The following RBFOX1 variants were observed in gnomAD, a reference collection of about 807,000 sequenced individuals.
RBFOX1 encodes RNA binding fox-1 homolog 1.
Under a neutral mutation model 57.7 loss-of-function variants are expected in RBFOX1, and 8 were observed. That is an observed-to-expected ratio of 0.14 (90% CI 0.08 to 0.25). The LOEUF (loss-of-function observed/expected upper bound fraction) is 0.25. RBFOX1 is among the 10% of genes least tolerant of loss of function. RBFOX1 has a pLI of 1.00. For missense variants in RBFOX1, 611 were observed against 548.5 expected (o/e 1.11, Z -1.14); for synonymous variants, 326 against 222.4 (o/e 1.47, Z -4.15).
At chr16:5,391,896 C>G (rs1299726658) in intron 1 of RBFOX1, among the ~76,000 whole-genome samples, 1 of 151,026 alleles carries the variant, frequency 6.6e-6, no homozygotes, top group Non-Finnish European at 1.5e-5. Context: ...TGTATACACA[C>G]ACACACACAC....
chr16:6,121,679 A>C (rs2096550805), intron 1 of RBFOX1, among the ~76,000 whole-genome samples: 1 of 152,144 alleles, frequency 6.6e-6, no homozygotes, highest in Non-Finnish European at 1.5e-5. Flanking sequence ...GGTGGTTAAC[A>C]GGTGGGGAGC....
chr16:6,064,504 CT>C (rs1017012608), intron 1 of RBFOX1, among the ~76,000 whole-genome samples: 5 of 152,146 alleles, frequency 3.3e-5, no homozygotes, highest in Non-Finnish European at 5.9e-5. Context: ...CCCACATTTT[CT>C]TTTCACATAG....
intron 2 of RBFOX1, among the ~76,000 whole-genome samples, chr16:5,472,334 A>T (rs766599936): frequency 6.6e-6 from 1 of 152,106 alleles, no homozygotes; most frequent in Admixed American, 6.5e-5. Flanking sequence ...GATCTCGTGT[A>T]ATCCTCCCAA....
At chr16:6,623,228 T>C (rs2098258821) in intron 2 of RBFOX1, among the ~76,000 whole-genome samples, 1 of 152,080 alleles carries the variant, frequency 6.6e-6, no homozygotes, top group South Asian at 2.1e-4. Context: ...TTTGAGATTA[T>C]CTGGGAGGGG....
intron 2 of RBFOX1, among the ~76,000 whole-genome samples, chr16:6,652,347 C>A (rs1422604315): frequency 6.6e-6 from 1 of 152,022 alleles, no homozygotes; most frequent in Admixed American, 6.5e-5. Flanking sequence ...ACTCGGGAGG[C>A]TGAGGCAGAA....
At chr16:5,472,229 C>T (rs1368316726) in intron 2 of RBFOX1, among the ~76,000 whole-genome samples, 2 of 152,316 alleles carry the variant, frequency 1.3e-5, no homozygotes, top group South Asian at 2.1e-4. Context: ...TTCCTCCTCA[C>T]TCCAGAGCTT....
intron 14 of RBFOX1, among the ~76,000 whole-genome samples, chr16:7,697,005 G>A (rs554170231): frequency 6.6e-6 from 1 of 152,282 alleles, no homozygotes; most frequent in African/African-American, 2.4e-5. Context: ...AGGGGTCAGA[G>A]GAAGTTAGGA....
intron 5 of RBFOX1, among the ~76,000 whole-genome samples, chr16:7,558,848 C>T (rs1464570475): frequency 6.6e-6 from 1 of 152,172 alleles, no homozygotes; most frequent in Non-Finnish European, 1.5e-5. Context: ...TATGAAAATA[C>T]TATATAATGT....
intron 3 of RBFOX1, among the ~76,000 whole-genome samples, chr16:6,808,866 C>G (rs563622906): frequency 1.3e-5 from 2 of 152,266 alleles, no homozygotes; most frequent in South Asian, 4.2e-4. Context: ...CTTCCTGTAA[C>G]ACCTTTAGCA....
intron 3 of RBFOX1, among the ~76,000 whole-genome samples, chr16:6,895,448 G>GTGTGTGTGTGTGTATA (rs869028735): frequency 7.3e-5 from 4 of 54,608 alleles, no homozygotes; most frequent in Admixed American, 2.2e-4. Context: ...GTGTGTGTGT[G>GTGTGTGTGTGTGTATA]TATATATATA....
rs550523148 is a variant in RBFOX1, at chr16:7,173,306, A to G, written c.27+121208A>G. Among the ~76,000 whole-genome samples the G allele has an allele frequency of 1.0e-3, 155 of 152,320 alleles. 6 individuals are homozygous for G. The South Asian group carries it at 0.031, about 30-fold the overall frequency. ...CGTGCATTTAGAAACCATAATTTGA[A>G]GAAACTAATAGCTGGAGCTCAGTGC... On this transcript the variant is annotated intron_variant, in intron 4 of 15. Transcript: ENST00000550418.
At chr16:7,120,856 C>G (rs906057509) in intron 4 of RBFOX1, among the ~76,000 whole-genome samples, 1 of 149,482 alleles carries the variant, frequency 6.7e-6, no homozygotes, top group African/African-American at 2.5e-5. Context: ...CACACACACA[C>G]ACATACGTAA....
chr16:7,397,722 A>T (rs1365158570), intron 4 of RBFOX1, among the ~76,000 whole-genome samples: 1 of 152,158 alleles, frequency 6.6e-6, no homozygotes, highest in Non-Finnish European at 1.5e-5. Flanking sequence ...TGATTTTGAC[A>T]TGTGTATTCA....
intron 2 of RBFOX1, among the ~76,000 whole-genome samples, chr16:6,404,747 C>T (rs745793222): frequency 1.3e-5 from 2 of 152,096 alleles, no homozygotes; most frequent in Non-Finnish European, 2.9e-5. Context: ...AAGATCTCAG[C>T]TCCCTTATGA....
intron 1 of RBFOX1, among the ~76,000 whole-genome samples, chr16:6,081,492 C>A (rs916841187): frequency 1.3e-5 from 2 of 152,124 alleles, no homozygotes; most frequent in South Asian, 2.1e-4. Flanking sequence ...CCTCCTCTTC[C>A]CCTTTTCAAT....
intron 2 of RBFOX1, chr16:6,483,060 G>C (rs935402224): frequency 1.1e-6 from 1 of 879,624 alleles, no homozygotes; most frequent in East Asian, 1.2e-4. Flanking sequence ...ACCGCAGCCA[G>C]CTCGGAGCTT....
At chr16:6,006,759 C>T (rs1280382950) in intron 4 of RBFOX1, among the ~76,000 whole-genome samples, 3 of 152,126 alleles carry the variant, frequency 2.0e-5, no homozygotes, top group Non-Finnish European at 4.4e-5. Context: ...CCAGCTAAAG[C>T]TGTTGTTCAA....
intron 1 of RBFOX1, among the ~76,000 whole-genome samples, chr16:6,033,255 G>A (rs1317212184): frequency 6.6e-6 from 1 of 152,218 alleles, no homozygotes; most frequent in Non-Finnish European, 1.5e-5. Flanking sequence ...TAGTGCAAGA[G>A]AGGTAGGGTC....
intron 3 of RBFOX1, among the ~76,000 whole-genome samples, chr16:5,733,536 G>A (rs1019210156): frequency 8.5e-5 from 13 of 152,096 alleles, no homozygotes; most frequent in Non-Finnish European, 1.8e-4. Context: ...CGTGACCTTG[G>A]CCAGGTCAGC....
Sources: gnomAD v4.1 joint callset for allele counts (sites outside exome capture counted in the v4.1 genomes callset) on GRCh38, gnomAD v4.1.1 for gene constraint, MANE v1.5 for transcripts, NCBI Gene and HGNC (gene_info 2026-07-23, HGNC 2026-07-21) for gene names.